The following CEP170 variants were observed in gnomAD, a reference collection of about 807,000 sequenced individuals.
CEP170 encodes centrosomal protein of 170 kDa.
CEP170 carries 21 observed loss-of-function variants against 151.9 expected under a neutral mutation model. The observed-to-expected ratio is 0.14, with a 90% CI of 0.10 to 0.20. The LOEUF is 0.20. CEP170 is among the 10% of genes least tolerant of loss of function. The pLI is 1.00. For missense variants in CEP170, 964 were observed against 1,892.9 expected (o/e 0.51, Z 9.11); for synonymous variants, 356 against 648.8 (o/e 0.55, Z 6.86).
intron 3 of CEP170, among the ~76,000 whole-genome samples, chr1:243,219,584 T>A (rs1218082466): frequency 6.6e-6 from 1 of 152,258 alleles, no homozygotes; most frequent in Non-Finnish European, 1.5e-5. Flanking sequence ...TATTTGAGCA[T>A]AGGCTTTTAA....
chr1:243,179,701 C>G (rs2059496134), intron 10 of CEP170, among the ~76,000 whole-genome samples: 1 of 152,114 alleles, frequency 6.6e-6, no homozygotes, highest in South Asian at 2.1e-4. Flanking sequence ...AATGAAAAAG[C>G]AGGTCACAAA....
rs372623014 is a variant in CEP170, at chr1:243,191,201, A to G, written c.925T>C (p.Ser309Pro). 144 of 1,610,778 alleles carry G rather than the reference A, an allele frequency of 8.9e-5. 2 individuals carry two copies. Among genetic ancestry groups the G allele is most frequent in the Middle Eastern group, 4.9e-4 (3 of 6,078 alleles). ...TKFTSDQRHK[S>P]KKSSPGTQDL... Reference sequence around the variant, plus strand: ...TGAGTTCCAGGAGAAGACTTCTTGGACTTGTGGCGCTGATCAGAAGTAAAC... The same window carrying G: ...TGAGTTCCAGGAGAAGACTTCTTGGGCTTGTGGCGCTGATCAGAAGTAAAC... Residue 309 changes from serine to proline, a missense_variant, in exon 8 of 20, where the codon TCC becomes CCC. Physicochemically the swap from Ser to Pro is moderately conservative, Grantham distance 74. Coordinates refer to ENST00000366542, the MANE Select transcript of CEP170 (RefSeq NM_014812.3).
At chr1:243,209,706 G>A (rs2061653950) in intron 4 of CEP170, among the ~76,000 whole-genome samples, 1 of 150,424 alleles carries the variant, frequency 6.6e-6, no homozygotes, top group Non-Finnish European at 1.5e-5. Context: ...TTGAGACGGA[G>A]TCTGGCTCTG....
chr1:243,125,351 G>A lies in CEP170; in HGVS notation c.*1098C>T, dbSNP rs2053616047. On this transcript the variant is annotated 3_prime_UTR_variant, in exon 20 of 20. Coordinates refer to ENST00000366542, the MANE Select transcript of CEP170 (RefSeq NM_014812.3). ...CGTCTTGCAGGGTCCTTATAAATGTGTAAGACAGACAGCATTTACTATTGA... is the reference window on the plus strand; with the variant it reads ...CGTCTTGCAGGGTCCTTATAAATGTATAAGACAGACAGCATTTACTATTGA... The A allele has an allele frequency of 6.6e-6, 1 of 152,648 alleles. No individual in the cohort carries two copies. Among genetic ancestry groups the A allele is most frequent in the African/African-American group, 2.4e-5 (1 of 41,448 alleles). 9.5% of individuals were successfully genotyped at this position (152,648 alleles called of 1,614,324 possible).
At chr1:243,150,439 C>G (rs2056955314) in intron 14 of CEP170, among the ~76,000 whole-genome samples, 1 of 152,164 alleles carries the variant, frequency 6.6e-6, no homozygotes, top group African/African-American at 2.4e-5. Flanking sequence ...CGTGAGCCAC[C>G]CCGCCCAGCT....
chr1:243,221,115 C>T (rs2062769919), intron 3 of CEP170, among the ~76,000 whole-genome samples: 2 of 152,168 alleles, frequency 1.3e-5, no homozygotes. Flanking sequence ...AGCTCCGCCT[C>T]CCGGGTTCAC....
In CEP170 at chr1:243,185,653, A is replaced by C. The variant is rs1281262867; in HGVS notation, c.1566+126T>G. Reference sequence around the variant, plus strand: ...TTACTGTTAAGTCTTGCAGTTCCCTAACAAAACCCTAAAATTCACATACCA... The same window carrying C: ...TTACTGTTAAGTCTTGCAGTTCCCTCACAAAACCCTAAAATTCACATACCA... On this transcript the variant is annotated intron_variant, in intron 10 of 19. Transcript: ENST00000366542. The surrounding 1 kb of genome is among the most constrained non-coding windows in gnomAD (Gnocchi z 4.9). 2 of 1,386,708 alleles carry C rather than the reference A, an allele frequency of 1.4e-6. No homozygotes were observed. Among genetic ancestry groups the C allele is most frequent in the Admixed American group, 2.5e-5 (1 of 40,280 alleles). 85.9% of individuals were successfully genotyped at this position (1,386,708 alleles called of 1,614,324 possible).
chr1:243,215,794 C>T (rs993571983), intron 3 of CEP170, among the ~76,000 whole-genome samples: 2 of 152,252 alleles, frequency 1.3e-5, no homozygotes, highest in South Asian at 4.2e-4. Flanking sequence ...TACACTCCCT[C>T]CCCTTCTGAA....
intron 1 of CEP170, among the ~76,000 whole-genome samples, chr1:243,245,646 A>G (rs2065306377): frequency 6.6e-6 from 1 of 152,020 alleles, no homozygotes; most frequent in African/African-American, 2.4e-5. Context: ...CCCGCGAGGC[A>G]GAGGTTGCAG....
intron 3 of CEP170, among the ~76,000 whole-genome samples, chr1:243,212,210 A>G (rs1404566126): frequency 6.6e-6 from 1 of 152,220 alleles, no homozygotes; most frequent in Admixed American, 6.5e-5. Flanking sequence ...GGCACTTAGA[A>G]TAGTTCCTAA....
chr1:243,187,833 A>G (rs2060032726), intron 8 of CEP170, among the ~76,000 whole-genome samples: 1 of 152,208 alleles, frequency 6.6e-6, no homozygotes, highest in Admixed American at 6.5e-5. Flanking sequence ...AATGCACAGA[A>G]AAGGGTCATG....
chr1:243,220,814 T>C (rs1412690443), intron 3 of CEP170, among the ~76,000 whole-genome samples: 1 of 152,222 alleles, frequency 6.6e-6, no homozygotes, highest in Non-Finnish European at 1.5e-5. Flanking sequence ...CTACTTATAT[T>C]ATGCCAAATG....
intron 13 of CEP170, among the ~76,000 whole-genome samples, chr1:243,161,786 G>A (rs890934714): frequency 1.3e-5 from 2 of 151,890 alleles, no homozygotes; most frequent in Admixed American, 1.3e-4. Context: ...AACACTGATC[G>A]GCATGATTTA....
At chr1:243,177,122 A>C (rs1192196195) in intron 10 of CEP170, among the ~76,000 whole-genome samples, 2 of 152,212 alleles carry the variant, frequency 1.3e-5, no homozygotes, top group Non-Finnish European at 2.9e-5. Flanking sequence ...CTACCTATTG[A>C]ATATTTGCAG....
chr1:243,153,593 G>T (rs2057307787), intron 14 of CEP170, among the ~76,000 whole-genome samples: 1 of 152,166 alleles, frequency 6.6e-6, no homozygotes, highest in African/African-American at 2.4e-5. Context: ...AAAAGCTGAT[G>T]ACTTACTGAA....
At chr1:243,150,855 G>A (rs954021919) in intron 14 of CEP170, among the ~76,000 whole-genome samples, 9 of 152,132 alleles carry the variant, frequency 5.9e-5, no homozygotes, top group East Asian at 3.9e-4. Flanking sequence ...GCACCATTAC[G>A]TCCATTTTAC....
intron 10 of CEP170, among the ~76,000 whole-genome samples, chr1:243,176,428 G>C (rs184826589): frequency 5.3e-4 from 80 of 150,898 alleles, no homozygotes; most frequent in Non-Finnish European, 9.0e-4. Context: ...TTCGTACTGG[G>C]CGTAGGAAGT....
At position 243,164,901 on chromosome 1, in the gene CEP170, A is replaced by G. The variant is rs1268624952; in HGVS notation, c.3059T>C (p.Val1020Ala). The change falls in exon 13 of 20, where the codon GTA becomes GCA. Residue 1020 changes from valine (V) to alanine (A), a missense_variant. Transcript: ENST00000366542. ...QSSGRIRQPS[V>A]DLTDDDQTSS... ...GGTTTGGTCATCATCTGTTAAGTCT[A>G]CTGAGGGCTGTCTTATTCTCCCACT... 6 of 1,613,840 alleles carry G rather than the reference A, an allele frequency of 3.7e-6. No individual in the cohort carries two copies. The East Asian group carries it at 1.3e-4, about 36-fold the overall frequency.
chr1:243,212,686 T>TC (rs1410398067), intron 3 of CEP170, among the ~76,000 whole-genome samples: 4 of 17,226 alleles, frequency 2.3e-4, no homozygotes, highest in African/African-American at 3.8e-4. Flanking sequence ...ATATTTTCTT[T>TC]CTTCTCTCTC....
Sources: allele counts gnomAD v4.1 joint callset (sites outside exome capture counted in the v4.1 genomes callset), GRCh38; gene constraint gnomAD v4.1.1; non-coding constraint Gnocchi (gnomAD v3.1); transcripts MANE v1.5; gene names NCBI Gene and HGNC (gene_info 2026-07-23, HGNC 2026-07-21).